SPATA3: variants seen among roughly 807,000 people sequenced by gnomAD.
The protein encoded by SPATA3 is spermatogenesis-associated protein 3.
SPATA3 carries 6 observed loss-of-function variants against 5.7 expected under a neutral mutation model. That is an observed-to-expected ratio of 1.06 (90% CI 0.58 to 2.09). SPATA3 has a LOEUF of 2.09. SPATA3 is among the 30% of genes most tolerant of loss of function. The pLI is 0.00. For synonymous variants in SPATA3, 44 were observed against 48.4 expected, an observed-to-expected ratio of 0.91 and a Z score of 0.37; for missense variants, 155 against 130.4, an observed-to-expected ratio of 1.19 and a Z score of -0.92.
downstream of SPATA3, chr2:231,007,271 G>T (rs1312051824): frequency 4.8e-5 from 7 of 146,076 alleles, no homozygotes; most frequent in Admixed American, 1.4e-4. Context: ...TTTAAAAAAA[G>T]AAAAAAAAAA....
chr2:231,019,151 A>G (rs1167622288), intron 6 of SPATA3, among the ~76,000 whole-genome samples: 4 of 148,938 alleles, frequency 2.7e-5, no homozygotes, highest in Admixed American at 2.0e-4. Context: ...TTGTATTTTT[A>G]GTAGAGACGG....
chr2:231,018,957 ATTT>A (rs1693002073), intron 6 of SPATA3, among the ~76,000 whole-genome samples: 1 of 119,724 alleles, frequency 8.4e-6, no homozygotes. Flanking sequence ...GCCTGGCCTG[ATTT>A]TTCTTTTTCT....
chr2:231,000,604 C>A, intron 2 of SPATA3, 67 bp downstream of exon 2: 2 of 1,335,388 alleles, frequency 1.5e-6, no homozygotes, highest in Non-Finnish European at 2.0e-6. Flanking sequence ...GCCCCCAGAC[C>A]TTATTAGCAA....
At chr2:230,996,246 A>G (rs1341263587) in intron 1 of SPATA3, 2 of 1,550,652 alleles carry the variant, frequency 1.3e-6, no homozygotes, top group Admixed American at 2.0e-5. Flanking sequence ...GAAGAAGGTC[A>G]AGAAGAAAAG....
At chr2:231,010,147 G>T (rs139967999), downstream of SPATA3, among the ~76,000 whole-genome samples, 203 of 152,348 alleles carry the variant, frequency 1.3e-3, 1 homozygote, top group East Asian at 0.035. Flanking sequence ...TCCTCTAAAG[G>T]TTCACTGAAA....
At chr2:231,008,062 C>T (rs1350246153), downstream of SPATA3, among the ~76,000 whole-genome samples, 1 of 152,140 alleles carries the variant, frequency 6.6e-6, no homozygotes, top group Non-Finnish European at 1.5e-5. Context: ...ACAGCCAGTA[C>T]TAGTGAGTCC....
chr2:230,997,948 G>A (rs2125092185), intron 1 of SPATA3, among the ~76,000 whole-genome samples: 1 of 152,310 alleles, frequency 6.6e-6, no homozygotes, highest in East Asian at 1.9e-4. Flanking sequence ...GAGGCTCATA[G>A]GAGTCAAACA....
chr2:231,002,112 G>A (rs1382486775), intron 2 of SPATA3, among the ~76,000 whole-genome samples: 1 of 152,182 alleles, frequency 6.6e-6, no homozygotes, highest in Non-Finnish European at 1.5e-5. Context: ...TTTAGCACTG[G>A]CATGCTTTTC....
chr2:231,017,904 C>T (rs1407336232), intron 6 of SPATA3, among the ~76,000 whole-genome samples: 1 of 151,366 alleles, frequency 6.6e-6, no homozygotes, highest in Non-Finnish European at 1.5e-5. Context: ...AGTTCTGACA[C>T]TTTTAAAGGT....
At chr2:231,018,456 A>ACG (rs1692986680) in intron 6 of SPATA3, among the ~76,000 whole-genome samples, 1 of 137,638 alleles carries the variant, frequency 7.3e-6, no homozygotes, top group South Asian at 2.3e-4. Flanking sequence ...TCCATATGGT[A>ACG]TAGAAACTTC....
At chr2:231,003,614 T>C (rs1454910334), downstream of SPATA3, among the ~76,000 whole-genome samples, 2 of 152,130 alleles carry the variant, frequency 1.3e-5, no homozygotes, top group Non-Finnish European at 2.9e-5. Context: ...GTGCTTTGGC[T>C]CTGAGTGTTG....
downstream of SPATA3, among the ~76,000 whole-genome samples, chr2:231,011,904 T>C (rs1050652983): frequency 1.3e-5 from 2 of 150,198 alleles, no homozygotes; most frequent in Non-Finnish European, 2.9e-5. Context: ...GCTCCCCCTC[T>C]GTATGTGCAA....
At chr2:230,997,311 G>A (rs111729005) in intron 1 of SPATA3, among the ~76,000 whole-genome samples, 8,824 of 152,252 alleles carry the variant, frequency 0.058, 825 homozygotes, top group African/African-American at 0.2. Context: ...CTGCCGCCAT[G>A]TGAGATGTGC....
downstream of SPATA3, among the ~76,000 whole-genome samples, chr2:231,011,072 C>CAAAAAAAAAAAAAAAAAAAAAA: frequency 8.0e-4 from 64 of 79,744 alleles, 1 homozygote; most frequent in Non-Finnish European, 9.7e-4. Context: ...GACCCTGTCT[C>CAAAAAAAAAAAAAAAAAAAAAA]AAAAAAAAAA....
At chr2:231,001,597 G>A (rs558018040) in intron 2 of SPATA3, among the ~76,000 whole-genome samples, 5 of 152,290 alleles carry the variant, frequency 3.3e-5, no homozygotes, top group Admixed American at 2.6e-4. Flanking sequence ...GCCTGCCACC[G>A]TTAGCCACAC....
At chr2:231,000,504 G>C (rs941645050) in exon 2 of SPATA3, 5 of 1,546,878 alleles carry the variant, frequency 3.2e-6, no homozygotes, top group Non-Finnish European at 4.4e-6. Context: ...ATGGCGCCAG[G>C]GAGAGGACTC....
downstream of SPATA3, chr2:231,006,670 G>C (rs1692637571): frequency 6.6e-6 from 1 of 152,252 alleles, no homozygotes; most frequent in Non-Finnish European, 1.5e-5. Context: ...TGCTGATCTT[G>C]TAGGCTCAGC....
At chr2:231,014,128 T>A (rs1415220131) in exon 6 of SPATA3, 2 of 152,208 alleles carry the variant, frequency 1.3e-5, no homozygotes, top group East Asian at 3.8e-4. Flanking sequence ...TTAATGATGC[T>A]AACTAGAGAC....
At chr2:231,005,337 T>TCATCATCACCATCACCACCAC (rs1270639589), downstream of SPATA3, among the ~76,000 whole-genome samples, 1 of 74,004 alleles carries the variant, frequency 1.4e-5, no homozygotes, top group Non-Finnish European at 2.5e-5. Context: ...ATCATCACCA[T>TCATCATCACCATCACCACCAC]CACCATCATC....
Sources: gnomAD v4.1 joint callset for allele counts (sites outside exome capture counted in the v4.1 genomes callset) on GRCh38, gnomAD v4.1.1 for gene constraint, MANE v1.5 for transcripts, NCBI Gene and HGNC (gene_info 2026-07-23, HGNC 2026-07-21) for gene names.